UNC45B: variants seen among roughly 807,000 people sequenced by gnomAD.
UNC45B encodes protein unc-45 homolog B.
A neutral mutation model predicts 98.7 loss-of-function variants in UNC45B; 78 were observed. The observed-to-expected ratio is 0.79, with a 90% CI of 0.66 to 0.95. UNC45B has a LOEUF of 0.95. UNC45B is among the 40% of genes least tolerant of loss of function. UNC45B has a pLI of 0.00. For missense variants in UNC45B, 1,225 were observed against 1,184.9 expected (o/e 1.03, Z -0.50); for synonymous variants, 462 against 480.4 (o/e 0.96, Z 0.50).
At chr17:35,171,557 G>A (rs1249843235) in intron 13 of UNC45B, 95 bp downstream of exon 13, 20 of 1,492,872 alleles carry the variant, frequency 1.3e-5, no homozygotes, top group Non-Finnish European at 9.0e-6. Flanking sequence ...GGAGTGGCAC[G>A]GTGTGTGTTT....
chr17:35,150,729 C>A (rs761562766), intron 4 of UNC45B, among the ~76,000 whole-genome samples: 1 of 151,782 alleles, frequency 6.6e-6, no homozygotes, highest in Non-Finnish European at 1.5e-5. Flanking sequence ...TCAGCCTGGG[C>A]GACAGAGCAA....
In UNC45B at chr17:35,169,937, G is replaced by A. The variant is rs1305125262; in HGVS notation, c.1547+6G>A. ...CTGGCCAAACAGTGTCGCAAGTAAG[G>A]GGGCTGTGTTTCCCAGGCCCTCCAT... On this transcript the variant is annotated splice_donor_region_variant and intron_variant, in intron 11 of 19. Transcript: ENST00000394570. 6.2e-7 allele frequency: 1 copy of A among 1,614,038 alleles called. No individual in the cohort carries two copies. Among genetic ancestry groups the A allele is most frequent in the African/African-American group, 1.3e-5 (1 of 74,912 alleles).
intron 19 of UNC45B, 30 bp from the exon 20 acceptor site, chr17:35,186,269 C>G (rs903182496): frequency 6.2e-7 from 1 of 1,610,134 alleles, no homozygotes; most frequent in African/African-American, 1.3e-5. Context: ...TCAAACCTAG[C>G]ACCTTCCTTA....
rs372968242 is a variant in UNC45B, at chr17:35,168,270, G to A, written c.1361G>A (p.Arg454His). 3.5e-5 allele frequency: 54 copies of A among 1,541,334 alleles called. No individual in the cohort carries two copies. The highest frequency in any genetic ancestry group is 1.7e-4 in the Middle Eastern group (1 of 5,762). Residue 454 changes from arginine to histidine, a missense_variant, in exon 10 of 20, where the codon CGC becomes CAC. By Grantham distance (29) the Arg-to-His change is conservative. Coordinates refer to ENST00000394570, the MANE Select transcript of UNC45B (RefSeq NM_001267052.2). ...ATCCATGCCTCCACGAAGCTCAGCC[G>A]CGCCACCTTCATCATCACCAATGGA... is the stretch of plus-strand genomic sequence containing the variant. Reference protein sequence around the residue: ...ALIHASTKLSRATFIITNGVS... With the variant: ...ALIHASTKLSHATFIITNGVS...
At position 35,180,377 on chromosome 17, in the gene UNC45B, T is replaced by C. The variant is rs116617960; in HGVS notation, c.2256-182T>C. 5.5e-3 allele frequency among the ~76,000 whole-genome samples: 843 copies of C among 152,138 alleles called. 9 individuals carry two copies. The highest frequency in any genetic ancestry group is 0.019 in the African/African-American group (779 of 41,504). Reference sequence around the variant, plus strand: ...GGCCAGGATGCCATGCTATACAATTTAGTTGAGGCCCATGGTGCCCCTCCT... The same window carrying C: ...GGCCAGGATGCCATGCTATACAATTCAGTTGAGGCCCATGGTGCCCCTCCT... On this transcript the variant is annotated intron_variant, in intron 17 of 19. Coordinates refer to ENST00000394570, the MANE Select transcript of UNC45B (RefSeq NM_001267052.2).
intron 14 of UNC45B, among the ~76,000 whole-genome samples, chr17:35,174,655 AC>A (rs1260293604): frequency 6.6e-6 from 1 of 152,024 alleles, no homozygotes; most frequent in Non-Finnish European, 1.5e-5. Context: ...CCCCATCTGT[AC>A]AAAAAAATTT....
At chr17:35,172,325 A>C (rs769105948) in intron 13 of UNC45B, among the ~76,000 whole-genome samples, 2 of 149,926 alleles carry the variant, frequency 1.3e-5, no homozygotes, top group Non-Finnish European at 3.0e-5. Flanking sequence ...TCTCGGCTCA[A>C]TGCAACCTCT....
rs2092297648 is a variant in UNC45B, at chr17:35,185,391, TC to T, written c.2530-906del. On this transcript the variant is annotated intron_variant, in intron 19 of 19. Transcript: ENST00000394570. ...GGTACAATCTTGGCTCACTGCAACT[TC>T]CACCTCCTGGGTTCAAGCGATTCTC... Among the ~76,000 whole-genome samples the T allele has an allele frequency of 2.0e-5, 3 of 152,232 alleles. No individual in the cohort carries two copies. In the South Asian group the frequency reaches 6.2e-4, roughly 32 times the overall value.
At chr17:35,162,261 T>C (rs1305589167) in intron 8 of UNC45B, among the ~76,000 whole-genome samples, 1 of 151,968 alleles carries the variant, frequency 6.6e-6, no homozygotes, top group African/African-American at 2.4e-5. Context: ...CGAAGGAGGG[T>C]AGTCTTGTGG....
chr17:35,181,877 G>T (rs2092276367), intron 18 of UNC45B, among the ~76,000 whole-genome samples: 1 of 152,020 alleles, frequency 6.6e-6, no homozygotes, highest in Non-Finnish European at 1.5e-5. Flanking sequence ...CTGGGCTGGG[G>T]GCCTGGCAGC....
intron 9 of UNC45B, among the ~76,000 whole-genome samples, chr17:35,167,256 G>A (rs892642491): frequency 1.3e-5 from 2 of 152,190 alleles, no homozygotes; most frequent in African/African-American, 4.8e-5. Context: ...GCTCTCAGCT[G>A]TTATCTCTCT....
At chr17:35,164,360 G>C in intron 9 of UNC45B, 194 bp downstream of exon 9, 1 of 535,204 alleles carries the variant, frequency 1.9e-6, no homozygotes. Context: ...ATGCTGGCTG[G>C]GGCTGCAGCC....
chr17:35,178,706 A>G (rs190105803), intron 17 of UNC45B, among the ~76,000 whole-genome samples: 1 of 152,182 alleles, frequency 6.6e-6, no homozygotes, highest in Admixed American at 6.5e-5. Context: ...ATCTTGAGTT[A>G]ATTTTTGTAT....
chr17:35,184,821 C>T (rs2092294048), intron 19 of UNC45B, among the ~76,000 whole-genome samples: 1 of 152,146 alleles, frequency 6.6e-6, no homozygotes, highest in Non-Finnish European at 1.5e-5. Flanking sequence ...TGACATGGGG[C>T]TTCCTGGGGA....
Position 35,155,310 on chromosome 17 carries a change from GC to G in UNC45B, c.655del (p.His219MetfsTer5). The G allele has an allele frequency of 6.2e-7, 1 of 1,614,036 alleles. No individual in the cohort carries two copies. The highest frequency in any genetic ancestry group is 1.1e-5 in the South Asian group (1 of 91,068). On this transcript the variant is annotated frameshift_variant, in exon 7 of 20. Transcript: ENST00000394570. LOFTEE classifies it high-confidence loss of function. ...TGGGGTTCTAGGCCACAGTGATTCTGCATGCAGTGCGGATAGACCGAATCTG... is the reference window on the plus strand; with the variant it reads ...TGGGGTTCTAGGCCACAGTGATTCTGATGCAGTGCGGATAGACCGAATCTG... Reference protein sequence around the residue: ...GHQARATVILHAVRIDRICSL... With the variant: ...GHQARATVILXAVRIDRICSL...
rs2092307383 is a variant in UNC45B, at chr17:35,186,878, T to G, written c.*319T>G. 4.1e-6 allele frequency: 1 copy of G among 245,586 alleles called. No individual in the cohort carries two copies. Among genetic ancestry groups the G allele is most frequent in the Non-Finnish European group, 8.0e-6 (1 of 125,170 alleles). 15.2% of individuals were successfully genotyped at this position (245,586 alleles called of 1,614,324 possible). Reference sequence around the variant, plus strand: ...CCATTCTGAAGGCCAGGATAATAGGTTGAAGTTCTTTATATTTTGGAAAAT... The same window carrying G: ...CCATTCTGAAGGCCAGGATAATAGGGTGAAGTTCTTTATATTTTGGAAAAT... On this transcript the variant is annotated 3_prime_UTR_variant, in exon 20 of 20. Coordinates refer to ENST00000394570, the MANE Select transcript of UNC45B (RefSeq NM_001267052.2).
Position 35,168,258 on chromosome 17 carries a change from C to G in UNC45B, c.1349C>G (p.Thr450Arg). ...VAVEALIHASTKLSRATFIIT... is the reference protein window; with the variant it reads ...VAVEALIHASRKLSRATFIIT... ...GTGGAGGCCCTCATCCATGCCTCCA[C>G]GAAGCTCAGCCGCGCCACCTTCATC... Residue 450 changes from threonine (T) to arginine (R), a missense_variant, in exon 10 of 20, where the codon ACG becomes AGG. Transcript: ENST00000394570. The G allele has an allele frequency of 1.3e-6, 2 of 1,564,782 alleles. No homozygotes were observed. Among genetic ancestry groups the G allele is most frequent in the Non-Finnish European group, 1.7e-6 (2 of 1,155,462 alleles).
Position 35,171,457 on chromosome 17 carries a change from C to T in UNC45B, c.1825C>T (p.Pro609Ser). ...CAAGCAGCATGTGCCCGAGGAACAC[C>T]CCAAGGTAGGGTCAGGCGCGACCCG... ...FSKQHVPEEH[P>S]KDKKDFIDMR... Residue 609 changes from proline (P) to serine (S), a missense_variant, in exon 13 of 20, where the codon CCC becomes TCC. Pro to Ser is a moderately conservative substitution (Grantham distance 74). Coordinates refer to ENST00000394570, the MANE Select transcript of UNC45B (RefSeq NM_001267052.2). The T allele has an allele frequency of 1.2e-6, 2 of 1,614,004 alleles. No homozygotes were observed. Among genetic ancestry groups the T allele is most frequent in the South Asian group, 2.2e-5 (2 of 91,072 alleles).
chr17:35,164,027 G>A lies in UNC45B; in HGVS notation c.1012G>A (p.Val338Ile), dbSNP rs1357284991. The A allele has an allele frequency of 2.5e-6, 4 of 1,613,860 alleles. No homozygotes were observed. The highest frequency in any genetic ancestry group is 3.4e-6 in the Non-Finnish European group (4 of 1,179,890). ...LRKILKVVGQ[V>I]PDLPSCLPLT... is the part of the protein sequence containing the mutation. ...GAAGATCCTGAAGGTTGTGGGGCAG[G>A]TTCCAGATCTGCCATCCTGCCTGCC... Residue 338 changes from valine to isoleucine, a missense_variant, in exon 9 of 20, where the codon GTT (valine) becomes ATT (isoleucine). By Grantham distance (29) the Val-to-Ile change is conservative (BLOSUM62 3). Transcript: ENST00000394570.
Sources: allele counts gnomAD v4.1 joint callset (sites outside exome capture counted in the v4.1 genomes callset), GRCh38; gene constraint gnomAD v4.1.1; transcripts MANE v1.5; gene names NCBI Gene and HGNC (gene_info 2026-07-23, HGNC 2026-07-21).